ANKS1B: variants seen among roughly 807,000 people sequenced by gnomAD.
ANKS1B encodes ankyrin repeat and sterile alpha motif domain-containing protein 1B.
ANKS1B carries 36 observed loss-of-function variants against 148.3 expected under a neutral mutation model. The observed-to-expected ratio is 0.24, with a 90% CI of 0.19 to 0.32. The LOEUF is 0.32. Among genes scored for constraint, ANKS1B ranks in the 10% least tolerant of loss-of-function variants. ANKS1B has a pLI of 1.00. For synonymous variants in ANKS1B, 542 were observed against 560.8 expected (o/e 0.97, Z 0.47); for missense variants, 1,157 against 1,542.6 (o/e 0.75, Z 4.19).
chr12:99,253,431 C>T (rs923684843), intron 12 of ANKS1B, among the ~76,000 whole-genome samples: 10 of 152,088 alleles, frequency 6.6e-5, no homozygotes, highest in Admixed American at 3.9e-4. Flanking sequence ...AATACTTCAT[C>T]GTAACTGCAA....
intron 17 of ANKS1B, among the ~76,000 whole-genome samples, chr12:98,979,129 G>A (rs1020538979): frequency 2.6e-5 from 4 of 151,424 alleles, no homozygotes; most frequent in African/African-American, 7.3e-5. Context: ...GCAACAGAGC[G>A]AGACTCTGTC....
rs185388370 is a variant in ANKS1B, at chr12:98,882,712, C to G, written c.2779-50576G>C. Among the ~76,000 whole-genome samples, 8 of 151,348 alleles carry G rather than the reference C, an allele frequency of 5.3e-5. No individual in the cohort carries two copies. In the East Asian group the frequency reaches 1.5e-3, roughly 29 times the overall value. ...TGTTCAGATAAAGCTGTAGAGATCTCTGCCTTGTTACCTAGCAACTGGGCA... is the reference window on the plus strand; with the variant it reads ...TGTTCAGATAAAGCTGTAGAGATCTGTGCCTTGTTACCTAGCAACTGGGCA... On this transcript the variant is annotated intron_variant, in intron 17 of 26. Transcript: ENST00000683438.
rs371916074 is a variant in ANKS1B at position 98,975,939 on chromosome 12, C to G, written c.2778+77218G>C. ...ATGATAGGGCGGCTTCATTCATCCACCAAACCACGTGCTGAGTAATCTACC... is the reference window on the plus strand; with the variant it reads ...ATGATAGGGCGGCTTCATTCATCCAGCAAACCACGTGCTGAGTAATCTACC... On this transcript the variant is annotated intron_variant, in intron 17 of 26. Coordinates refer to ENST00000683438, the MANE Select transcript of ANKS1B (RefSeq NM_001352186.2). Among the ~76,000 whole-genome samples the G allele has an allele frequency of 2.2e-4, 33 of 152,290 alleles. No homozygotes were observed. The South Asian group carries it at 6.2e-3, about 29-fold the overall frequency.
At chr12:98,857,866 A>G (rs2099579949) in intron 17 of ANKS1B, among the ~76,000 whole-genome samples, 1 of 152,236 alleles carries the variant, frequency 6.6e-6, no homozygotes, top group Non-Finnish European at 1.5e-5. Context: ...CTAAAATATG[A>G]ATGTTCAGAG....
At chr12:99,134,461 T>C (rs2067189961) in intron 15 of ANKS1B, among the ~76,000 whole-genome samples, 1 of 151,978 alleles carries the variant, frequency 6.6e-6, no homozygotes, top group African/African-American at 2.4e-5. Flanking sequence ...GAAGTTTCAG[T>C]CTGAGAGAAT....
At chr12:99,933,568 A>C (rs1424164614) in intron 1 of ANKS1B, among the ~76,000 whole-genome samples, 2 of 152,058 alleles carry the variant, frequency 1.3e-5, no homozygotes, top group Non-Finnish European at 2.9e-5. Flanking sequence ...ATAGAACACT[A>C]CTGATTTTTT....
At chr12:99,297,749 A>C (rs1021973968) in intron 12 of ANKS1B, among the ~76,000 whole-genome samples, 41 of 152,216 alleles carry the variant, frequency 2.7e-4, no homozygotes, top group Admixed American at 2.0e-3. Flanking sequence ...ACTCACAGGC[A>C]ACTCCAGATC....
At chr12:99,896,004 G>C (rs1361295499) in intron 1 of ANKS1B, among the ~76,000 whole-genome samples, 1 of 150,874 alleles carries the variant, frequency 6.6e-6, no homozygotes, top group Non-Finnish European at 1.5e-5. Context: ...ATGATGTTTT[G>C]ATATATATAC....
chr12:99,452,089 T>G (rs1260545726), intron 10 of ANKS1B, among the ~76,000 whole-genome samples: 5 of 152,124 alleles, frequency 3.3e-5, no homozygotes, highest in African/African-American at 9.7e-5. Flanking sequence ...AAGGGCCAGA[T>G]GGTAAATATT....
intron 17 of ANKS1B, among the ~76,000 whole-genome samples, chr12:98,937,622 A>G (rs1009582091): frequency 2.0e-5 from 3 of 152,108 alleles, no homozygotes; most frequent in African/African-American, 4.8e-5. Flanking sequence ...TGAACCTCTC[A>G]GGTATGCCAG....
intron 14 of ANKS1B, among the ~76,000 whole-genome samples, chr12:99,175,341 T>C (rs2078259814): frequency 6.6e-6 from 1 of 152,240 alleles, no homozygotes; most frequent in South Asian, 2.1e-4. Flanking sequence ...TTTGGAATAT[T>C]TGCATATACA....
At chr12:99,656,441 T>C (rs1310138332) in intron 8 of ANKS1B, among the ~76,000 whole-genome samples, 1 of 151,834 alleles carries the variant, frequency 6.6e-6, no homozygotes, top group East Asian at 1.9e-4. Context: ...AAAATAAATA[T>C]AGAGAAAAAA....
At chr12:99,962,546 T>G (rs1264847583) in intron 1 of ANKS1B, among the ~76,000 whole-genome samples, 1 of 152,168 alleles carries the variant, frequency 6.6e-6, no homozygotes, top group Non-Finnish European at 1.5e-5. Context: ...ATGATTTATA[T>G]TCCTTTGAGT....
At chr12:99,580,396 A>G (rs2668185) in intron 9 of ANKS1B, among the ~76,000 whole-genome samples, 43,390 of 152,100 alleles carry the variant, frequency 0.29, 6,982 homozygotes, top group African/African-American at 0.44. Flanking sequence ...ATCATTTATA[A>G]TATGTTCAAA....
intron 10 of ANKS1B, among the ~76,000 whole-genome samples, chr12:99,465,857 C>T (rs1369023625): frequency 3.3e-5 from 5 of 152,128 alleles, no homozygotes; most frequent in Non-Finnish European, 7.4e-5. Flanking sequence ...GACTATAACA[C>T]CCCACTGTCA....
intron 11 of ANKS1B, among the ~76,000 whole-genome samples, chr12:99,405,205 T>C (rs1433295041): frequency 6.9e-6 from 1 of 145,622 alleles, no homozygotes; most frequent in Non-Finnish European, 1.5e-5. Flanking sequence ...CAAGAAATCA[T>C]CTGAAGGTAC....
At chr12:98,918,512 C>T (rs1032134108) in intron 17 of ANKS1B, among the ~76,000 whole-genome samples, 1 of 152,208 alleles carries the variant, frequency 6.6e-6, no homozygotes, top group Non-Finnish European at 1.5e-5. Context: ...AGATCATTCT[C>T]ATTTTTTCCT....
chr12:98,994,889 C>G lies in ANKS1B; in HGVS notation c.2778+58268G>C, dbSNP rs117003368. ...TCCCATCTCCAAATACAGTCACATT[C>G]TGAGGTACTGGAGATTAGGACTTCA... On this transcript the variant is annotated intron_variant, in intron 17 of 26. Coordinates refer to ENST00000683438, the MANE Select transcript of ANKS1B (RefSeq NM_001352186.2). Among the ~76,000 whole-genome samples, 1,372 of 152,226 alleles carry G rather than the reference C, an allele frequency of 9.0e-3. 13 individuals are homozygous for G. Among genetic ancestry groups the G allele is most frequent in the Non-Finnish European group, 0.015 (1,048 of 68,020 alleles).
chr12:99,836,775 A>T (rs2084921057), intron 1 of ANKS1B, among the ~76,000 whole-genome samples: 1 of 152,192 alleles, frequency 6.6e-6, no homozygotes, highest in Non-Finnish European at 1.5e-5. Flanking sequence ...TCTTCTCTGC[A>T]TAGATATAAT....
Sources: gnomAD v4.1 joint callset for allele counts (sites outside exome capture counted in the v4.1 genomes callset) on GRCh38, gnomAD v4.1.1 for gene constraint, MANE v1.5 for transcripts, NCBI Gene and HGNC (gene_info 2026-07-23, HGNC 2026-07-21) for gene names.